CNTN4: variants seen among roughly 807,000 people sequenced by gnomAD.
CNTN4 encodes contactin 4, also known as contactin-4.
In CNTN4, 77 loss-of-function variants were observed where a neutral mutation model predicts 122.5. The ratio of observed to expected loss-of-function variants is 0.63; its 90% CI spans 0.52 to 0.76. CNTN4 has a LOEUF of 0.76. Ranked by LOEUF, CNTN4 falls within the 30% of genes least tolerant of loss-of-function variation. The pLI is 0.00. For missense variants in CNTN4, 1,256 were observed against 1,259.1 expected (o/e 1.00, Z 0.04); for synonymous variants, 512 against 447.0 (o/e 1.15, Z -1.83).
At chr3:2,515,447 G>A (rs905343439) in intron 3 of CNTN4, among the ~76,000 whole-genome samples, 2 of 152,098 alleles carry the variant, frequency 1.3e-5, no homozygotes, top group African/African-American at 4.8e-5. Context: ...TATGTTCATC[G>A]AATGATTTGA....
At chr3:2,412,619 A>T (rs1278959434) in intron 3 of CNTN4, among the ~76,000 whole-genome samples, 1 of 152,132 alleles carries the variant, frequency 6.6e-6, no homozygotes, top group Non-Finnish European at 1.5e-5. Flanking sequence ...TCTAATTCTT[A>T]TGCAATAGTA....
chr3:2,803,906 C>T (rs1387951134), intron 6 of CNTN4, among the ~76,000 whole-genome samples: 1 of 151,998 alleles, frequency 6.6e-6, no homozygotes, highest in Admixed American at 6.6e-5. Flanking sequence ...AATGAATGAA[C>T]CACAGCTACA....
intron 2 of CNTN4, among the ~76,000 whole-genome samples, chr3:2,178,272 T>G (rs888172909): frequency 3.9e-4 from 60 of 152,208 alleles, no homozygotes; most frequent in Admixed American, 2.5e-3. Flanking sequence ...TACTTTTTTT[T>G]TTGTTTTCTG....
intron 2 of CNTN4, among the ~76,000 whole-genome samples, chr3:2,335,910 A>G (rs1172605732): frequency 1.3e-5 from 2 of 152,196 alleles, no homozygotes; most frequent in Non-Finnish European, 2.9e-5. Flanking sequence ...CGTTGGATCC[A>G]TTCAATCATT....
chr3:2,602,895 A>AG (rs1271098172), intron 4 of CNTN4, among the ~76,000 whole-genome samples: 1 of 152,168 alleles, frequency 6.6e-6, no homozygotes, highest in Non-Finnish European at 1.5e-5. Context: ...GGCTTAAGTA[A>AG]GGGGGGTTCC....
At chr3:2,982,913 T>TA (rs200105549) in intron 13 of CNTN4, among the ~76,000 whole-genome samples, 12,005 of 151,150 alleles carry the variant, frequency 0.079, 633 homozygotes, top group Non-Finnish European at 0.11. Flanking sequence ...TTCACATCAC[T>TA]AAAAAAAATA....
At chr3:3,030,805 T>C (rs780224568) in intron 15 of CNTN4, 50 bp from the exon 16 acceptor site, 8 of 1,601,174 alleles carry the variant, frequency 5.0e-6, no homozygotes, top group Non-Finnish European at 6.0e-6. Context: ...GATAATGATA[T>C]TTAGAGCTCA....
intron 13 of CNTN4, among the ~76,000 whole-genome samples, chr3:2,937,912 G>A (rs1357430038): frequency 1.3e-5 from 2 of 152,154 alleles, no homozygotes; most frequent in African/African-American, 4.8e-5. Flanking sequence ...TACAAGAAAT[G>A]AGGGGAAGAG....
chr3:2,580,213 A>G (rs2079874363), intron 4 of CNTN4, among the ~76,000 whole-genome samples: 1 of 152,184 alleles, frequency 6.6e-6, no homozygotes, highest in South Asian at 2.1e-4. Flanking sequence ...AGCAGCAACA[A>G]CAGCAAACCA....
chr3:2,180,492 C>T (rs1559317691), intron 2 of CNTN4, among the ~76,000 whole-genome samples: 1 of 151,968 alleles, frequency 6.6e-6, no homozygotes, highest in Non-Finnish European at 1.5e-5. Flanking sequence ...TCCACTTGCT[C>T]ATTGATAGGT....
chr3:2,127,021 A>C (rs1421250802), intron 2 of CNTN4, among the ~76,000 whole-genome samples: 1 of 152,170 alleles, frequency 6.6e-6, no homozygotes, highest in Non-Finnish European at 1.5e-5. Flanking sequence ...TTTCATAGTT[A>C]CATAGTTAAT....
intron 6 of CNTN4, among the ~76,000 whole-genome samples, chr3:2,755,129 G>A (rs151148011): frequency 6.6e-6 from 1 of 152,112 alleles, no homozygotes; most frequent in Non-Finnish European, 1.5e-5. Context: ...ATTTTCAAAT[G>A]TTCATTGCTT....
chr3:2,476,204 A>G (rs929259164), intron 3 of CNTN4, among the ~76,000 whole-genome samples: 3 of 152,332 alleles, frequency 2.0e-5, no homozygotes, highest in East Asian at 1.9e-4. Context: ...GTGGATGACA[A>G]TGAGTAGTTC....
rs553066123 is a variant in CNTN4 at position 2,951,374 on chromosome 3, C to A, written c.1358+25595C>A. 4.6e-5 allele frequency among the ~76,000 whole-genome samples: 7 copies of A among 152,294 alleles called. No homozygotes were observed. The East Asian group carries it at 1.3e-3, about 29-fold the overall frequency. On this transcript the variant is annotated intron_variant, in intron 13 of 24. Coordinates refer to ENST00000418658, the MANE Select transcript of CNTN4 (RefSeq NM_175607.3). ...CAAATGCACAGTTCACAATAGGGTT[C>A]AGGTCCTGTCCTGTGAGAATCTAAT...
intron 2 of CNTN4, among the ~76,000 whole-genome samples, chr3:2,193,903 G>A (rs1363645202): frequency 6.6e-6 from 1 of 152,160 alleles, no homozygotes; most frequent in Non-Finnish European, 1.5e-5. Flanking sequence ...TAGCCTAGGT[G>A]TGTAGTAGGC....
At chr3:2,190,737 G>T (rs752606763) in intron 2 of CNTN4, among the ~76,000 whole-genome samples, 3 of 151,398 alleles carry the variant, frequency 2.0e-5, no homozygotes, top group Non-Finnish European at 2.9e-5. Context: ...CTTTGGGCTT[G>T]CTGTTTTCTA....
intron 3 of CNTN4, among the ~76,000 whole-genome samples, chr3:2,408,161 A>C (rs914659619): frequency 2.6e-5 from 4 of 152,180 alleles, no homozygotes; most frequent in Admixed American, 6.5e-5. Context: ...GTACATCCTA[A>C]GAGAGGGCTT....
chr3:2,315,710 A>C (rs1350145836), intron 2 of CNTN4, among the ~76,000 whole-genome samples: 1 of 152,022 alleles, frequency 6.6e-6, no homozygotes, highest in Non-Finnish European at 1.5e-5. Flanking sequence ...GAAGGCTTTG[A>C]ATCAATCAAG....
chr3:2,940,063 C>T (rs1322890274), intron 13 of CNTN4, among the ~76,000 whole-genome samples: 2 of 152,150 alleles, frequency 1.3e-5, no homozygotes, highest in African/African-American at 4.8e-5. Flanking sequence ...GTCCCTGGGA[C>T]AGATCAGGTG....
Sources: gnomAD v4.1 joint callset for allele counts (sites outside exome capture counted in the v4.1 genomes callset) on GRCh38, gnomAD v4.1.1 for gene constraint, MANE v1.5 for transcripts, NCBI Gene and HGNC (gene_info 2026-07-23, HGNC 2026-07-21) for gene names.